The following TMEM132D variants were observed in gnomAD, a reference collection of about 807,000 sequenced individuals.
TMEM132D encodes transmembrane protein 132D.
In TMEM132D, 21 loss-of-function variants were observed where a neutral mutation model predicts 62.3. That is an observed-to-expected ratio of 0.34 (90% CI 0.24 to 0.49). TMEM132D has a LOEUF of 0.49. Ranked by LOEUF, TMEM132D falls within the 20% of genes least tolerant of loss-of-function variation. The pLI is 0.99. For missense variants in TMEM132D, 1,346 were observed against 1,402.8 expected, an observed-to-expected ratio of 0.96 and a Z score of 0.65; for synonymous variants, 621 against 575.6, an observed-to-expected ratio of 1.08 and a Z score of -1.13.
At chr12:129,429,634 G>A (rs1192049194) in intron 3 of TMEM132D, among the ~76,000 whole-genome samples, 1 of 150,284 alleles carries the variant, frequency 6.7e-6, no homozygotes, top group Non-Finnish European at 1.5e-5. Context: ...GGCACAATGT[G>A]CAGGTTTGTT....
At chr12:129,530,531 T>C (rs1876186075) in intron 3 of TMEM132D, among the ~76,000 whole-genome samples, 2 of 152,224 alleles carry the variant, frequency 1.3e-5, no homozygotes, top group South Asian at 4.1e-4. Flanking sequence ...CAGGTTTTAA[T>C]TTCTCCCTAG....
At chr12:129,887,300 G>C (rs1246059067) in intron 1 of TMEM132D, among the ~76,000 whole-genome samples, 1 of 152,134 alleles carries the variant, frequency 6.6e-6, no homozygotes, top group Non-Finnish European at 1.5e-5. Context: ...CCAGGCTAGT[G>C]CTGCTCCTAC....
intron 2 of TMEM132D, among the ~76,000 whole-genome samples, chr12:129,566,703 C>T (rs1372333679): frequency 1.3e-5 from 2 of 152,176 alleles, no homozygotes; most frequent in Admixed American, 1.3e-4. Flanking sequence ...CTTTCCAGGT[C>T]TTTTCCTGAT....
chr12:129,469,928 T>TG (rs1362753176), intron 3 of TMEM132D, among the ~76,000 whole-genome samples: 2 of 152,178 alleles, frequency 1.3e-5, no homozygotes, highest in Non-Finnish European at 2.9e-5. Context: ...AAGTCTGCAC[T>TG]GGGGGGTCAT....
intron 2 of TMEM132D, among the ~76,000 whole-genome samples, chr12:129,543,090 A>T (rs1876626729): frequency 6.7e-6 from 1 of 148,680 alleles, no homozygotes; most frequent in Non-Finnish European, 1.5e-5. Context: ...AAATTGATAG[A>T]TAGATTAGAA....
chr12:129,887,552 TTCG>T (rs965022344), intron 1 of TMEM132D, among the ~76,000 whole-genome samples: 1 of 152,202 alleles, frequency 6.6e-6, no homozygotes, highest in African/African-American at 2.4e-5. Flanking sequence ...TGCTGCGAAG[TTCG>T]GTTCCTACCC....
At chr12:129,340,521 T>C (rs540715445) in intron 3 of TMEM132D, among the ~76,000 whole-genome samples, 55 of 151,534 alleles carry the variant, frequency 3.6e-4, no homozygotes, top group Middle Eastern at 3.4e-3. Flanking sequence ...TGTGTTCTCA[T>C]TGTTCAATTC....
At chr12:129,247,532 G>C (rs941224198) in intron 4 of TMEM132D, among the ~76,000 whole-genome samples, 2 of 152,220 alleles carry the variant, frequency 1.3e-5, no homozygotes, top group African/African-American at 4.8e-5. Context: ...TTTCTCACCT[G>C]TAATAGTGTT....
intron 4 of TMEM132D, among the ~76,000 whole-genome samples, chr12:129,336,450 C>A (rs971082011): frequency 3.3e-5 from 5 of 152,034 alleles, no homozygotes; most frequent in African/African-American, 1.2e-4. Context: ...GTGGTGGGCA[C>A]CTGTAATCCC....
At chr12:129,212,251 T>A (rs950968115) in intron 4 of TMEM132D, 1 of 152,220 alleles carries the variant, frequency 6.6e-6, no homozygotes, top group East Asian at 1.9e-4. Context: ...TAAGCCCATA[T>A]GTCTGGGGTG....
chr12:129,772,451 A>G (rs778195058), intron 1 of TMEM132D, among the ~76,000 whole-genome samples: 4 of 152,224 alleles, frequency 2.6e-5, no homozygotes, highest in South Asian at 2.1e-4. Context: ...TATTTTAAAG[A>G]AAGTAAATGT....
intron 4 of TMEM132D, among the ~76,000 whole-genome samples, chr12:129,291,417 G>T (rs544584162): frequency 3.0e-4 from 46 of 152,238 alleles, no homozygotes; most frequent in African/African-American, 1.1e-3. Context: ...TCTTTACAAT[G>T]ATCTCAAATA....
At chr12:129,226,342 T>A (rs1033883874) in intron 4 of TMEM132D, among the ~76,000 whole-genome samples, 2 of 152,230 alleles carry the variant, frequency 1.3e-5, no homozygotes, top group Admixed American at 1.3e-4. Flanking sequence ...GCCTTGAGCA[T>A]CTCTTCTCAT....
At chr12:129,183,785 G>A (rs1468966442) in intron 5 of TMEM132D, among the ~76,000 whole-genome samples, 1 of 151,682 alleles carries the variant, frequency 6.6e-6, no homozygotes, top group Admixed American at 6.6e-5. Context: ...TTTGGAGCTG[G>A]GTAGTGGCTG....
chr12:129,461,166 T>A (rs1873654901), intron 3 of TMEM132D, among the ~76,000 whole-genome samples: 5 of 152,166 alleles, frequency 3.3e-5, no homozygotes, highest in Admixed American at 3.3e-4. Flanking sequence ...AGGAATGAGC[T>A]GGGTGGAGGA....
At chr12:129,799,721 T>C (rs1279600954) in intron 1 of TMEM132D, among the ~76,000 whole-genome samples, 1 of 152,150 alleles carries the variant, frequency 6.6e-6, no homozygotes, top group Non-Finnish European at 1.5e-5. Context: ...TAAAGGAATC[T>C]ACAGGCTTTG....
intron 4 of TMEM132D, among the ~76,000 whole-genome samples, chr12:129,221,950 C>T (rs1879359414): frequency 6.6e-6 from 1 of 152,040 alleles, no homozygotes; most frequent in African/African-American, 2.4e-5. Flanking sequence ...CTATAAATAA[C>T]CTGTGTGCTT....
intron 1 of TMEM132D, among the ~76,000 whole-genome samples, chr12:129,833,130 C>T (rs937870232): frequency 6.6e-6 from 1 of 152,226 alleles, no homozygotes; most frequent in African/African-American, 2.4e-5. Flanking sequence ...ACACACAACT[C>T]TACTTGGCTT....
chr12:129,260,194 T>C (rs1392226478), intron 4 of TMEM132D, among the ~76,000 whole-genome samples: 1 of 152,026 alleles, frequency 6.6e-6, no homozygotes, highest in Non-Finnish European at 1.5e-5. Context: ...GTCCTTGAGG[T>C]AGGAAACAGC....
Sources: allele counts gnomAD v4.1 joint callset (sites outside exome capture counted in the v4.1 genomes callset), GRCh38; gene constraint gnomAD v4.1.1; transcripts MANE v1.5; gene names NCBI Gene and HGNC (gene_info 2026-07-23, HGNC 2026-07-21).